Variants in BCL7C observed in about 807,000 individuals in gnomAD.
BCL7C encodes the protein BAF chromatin remodeling complex subunit BCL7C.
Under a neutral mutation model 26.2 loss-of-function variants are expected in BCL7C, and 8 were observed. The ratio of observed to expected loss-of-function variants is 0.30; its 90% confidence interval spans 0.18 to 0.55. The LOEUF is 0.55. BCL7C is among the 20% of genes least tolerant of loss of function. The pLI, the probability that BCL7C is intolerant of heterozygous loss-of-function variation, is 0.93. For synonymous variants in BCL7C, 90 were observed against 116.5 expected (o/e 0.77, Z 1.47); for missense variants, 262 against 298.5 (o/e 0.88, Z 0.90).
chr16:30,864,016 AG>A (rs758043465), intron 5 of BCL7C, among the ~76,000 whole-genome samples: 3 of 152,030 alleles, frequency 2.0e-5, no homozygotes, highest in Non-Finnish European at 4.4e-5. Context: ...ACCTCTCCCC[AG>A]CTATCTCCAT....
chr16:30,891,660 C>T (rs2055239477), intron 4 of BCL7C, among the ~76,000 whole-genome samples: 1 of 151,966 alleles, frequency 6.6e-6, no homozygotes, highest in Non-Finnish European at 1.5e-5. Flanking sequence ...TCTGAGGATA[C>T]AGTAGTGAAC....
At chr16:30,868,552 G>C (rs943988731) in intron 5 of BCL7C, among the ~76,000 whole-genome samples, 1 of 151,842 alleles carries the variant, frequency 6.6e-6, no homozygotes, top group East Asian at 2.0e-4. Context: ...TTGGGAGGCC[G>C]AGGTGGGCAG....
At chr16:30,844,714 A>T (rs751413435) in intron 5 of BCL7C, among the ~76,000 whole-genome samples, 1 of 152,156 alleles carries the variant, frequency 6.6e-6, no homozygotes, top group Non-Finnish European at 1.5e-5. Context: ...ATTGACCTTC[A>T]GTCTATGAGT....
At chr16:30,840,858 C>T (rs900263066) in intron 5 of BCL7C, 3 of 152,198 alleles carry the variant, frequency 2.0e-5, no homozygotes, top group Non-Finnish European at 2.9e-5. Context: ...CTCACTGTCA[C>T]AAGAACAGCA....
chr16:30,868,701 C>G (rs533189675), intron 5 of BCL7C, among the ~76,000 whole-genome samples: 43 of 151,826 alleles, frequency 2.8e-4, no homozygotes, highest in African/African-American at 1.0e-3. Context: ...AGGAGAATCT[C>G]TTGATCCTGG....
chr16:30,893,017 C>G lies in BCL7C; in HGVS notation c.172-69G>C, dbSNP rs1161177214. On this transcript the variant is annotated intron_variant, in intron 2 of 5. Coordinates refer to ENST00000215115, the MANE Select transcript of BCL7C (RefSeq NM_004765.4). The surrounding 1 kb of genome is among the most constrained non-coding windows in gnomAD (Gnocchi z 5.2). Reference sequence around the variant, plus strand: ...CCATACACCTAAGGAAACTGAGGCACTGAGAAGCAAAAGGGCTCAAACTCA... The same window carrying G: ...CCATACACCTAAGGAAACTGAGGCAGTGAGAAGCAAAAGGGCTCAAACTCA... 2 of 1,474,574 alleles carry G rather than the reference C, an allele frequency of 1.4e-6. No homozygotes were observed. Among genetic ancestry groups the G allele is most frequent in the African/African-American group, 2.8e-5 (2 of 71,356 alleles). The allele number at this position is 1,474,574 out of a possible 1,614,324, so 91.3% of individuals were successfully genotyped here.
chr16:30,852,526 T>C (rs2168834), intron 5 of BCL7C, among the ~76,000 whole-genome samples: 108,633 of 147,890 alleles, frequency 0.73, 40,462 homozygotes, highest in East Asian at 0.91. Flanking sequence ...GAGTCCTGCT[T>C]TGGCGCCCAG....
intron 5 of BCL7C, among the ~76,000 whole-genome samples, chr16:30,841,650 G>C (rs1163674883): frequency 2.0e-5 from 3 of 152,038 alleles, no homozygotes; most frequent in African/African-American, 7.2e-5. Flanking sequence ...AAATACAGAG[G>C]GCTGTGTAAA....
At position 30,834,752 on chromosome 16, in the gene BCL7C, A is replaced by G. The variant is rs2054559087; in HGVS notation, c.*196T>C. On this transcript the variant is annotated 3_prime_UTR_variant, in exon 6 of 6. Transcript: ENST00000380317. This position sits in a 1 kb window ranked among gnomAD's most constrained non-coding sequence, Gnocchi z 4.3. ...CCGAGTTCTGCCCTAAGCCCTTCCC[A>G]TGCATTCGGGCGCCAGTGGCGAGCC... The G allele has an allele frequency of 5.4e-6, 3 of 555,450 alleles. No individual in the cohort carries two copies. The highest frequency in any genetic ancestry group is 9.4e-6 in the Non-Finnish European group (3 of 320,016). 34.4% of individuals were successfully genotyped at this position (555,450 alleles called of 1,614,324 possible). A position where few individuals can be genotyped will look rare whatever the true frequency, so the allele number is the denominator to read the frequency against.
chr16:30,867,400 T>C (rs917817894), intron 5 of BCL7C, among the ~76,000 whole-genome samples: 1 of 152,174 alleles, frequency 6.6e-6, no homozygotes, highest in Non-Finnish European at 1.5e-5. Flanking sequence ...CCCTAACCCC[T>C]GGAACATGTG....
intron 5 of BCL7C, among the ~76,000 whole-genome samples, chr16:30,865,730 T>G (rs1300282689): frequency 7.1e-6 from 1 of 140,534 alleles, no homozygotes; most frequent in Non-Finnish European, 1.5e-5. Context: ...TTTTTTTCTT[T>G]TTTTTTTTTT....
chr16:30,865,963 G>A (rs1452209688), intron 5 of BCL7C, among the ~76,000 whole-genome samples: 2 of 148,946 alleles, frequency 1.3e-5, no homozygotes, highest in Non-Finnish European at 3.0e-5. Context: ...TCGAACTCCT[G>A]ACGTCAGGAG....
intron 5 of BCL7C, among the ~76,000 whole-genome samples, chr16:30,864,691 C>T (rs997080482): frequency 2.6e-5 from 4 of 152,158 alleles, no homozygotes; most frequent in African/African-American, 9.7e-5. Context: ...CCAGGCTAAG[C>T]CATCATATCC....
chr16:30,879,695 A>AAAAAAAAAAAAAAAAAAAAC (rs2055010678), intron 5 of BCL7C, among the ~76,000 whole-genome samples: 2 of 142,720 alleles, frequency 1.4e-5, no homozygotes, highest in African/African-American at 5.1e-5. Flanking sequence ...TCTACAAAAA[A>AAAAAAAAAAAAAAAAAAAAC]AAAAAAAAAA....
At chr16:30,863,714 G>A (rs569483894) in intron 5 of BCL7C, among the ~76,000 whole-genome samples, 3 of 152,244 alleles carry the variant, frequency 2.0e-5, no homozygotes, top group South Asian at 4.1e-4. Context: ...CAAGGTAAAC[G>A]GTTCTTGGAC....
chr16:30,859,792 C>T (rs1482601401), intron 5 of BCL7C, among the ~76,000 whole-genome samples: 1 of 152,230 alleles, frequency 6.6e-6, no homozygotes, highest in African/African-American at 2.4e-5. Context: ...TTTTCGGACT[C>T]TGCCAACCTG....
intron 5 of BCL7C, chr16:30,851,749 G>T: frequency 3.8e-6 from 2 of 530,912 alleles, no homozygotes; most frequent in Non-Finnish European, 6.8e-6. Context: ...CAGTGACCGT[G>T]ACCTTTTTTT....
chr16:30,863,277 G>A (rs2054793720), intron 5 of BCL7C, among the ~76,000 whole-genome samples: 3 of 152,128 alleles, frequency 2.0e-5, no homozygotes, highest in Admixed American at 6.5e-5. Flanking sequence ...CCACTGCTCT[G>A]CCCCTCTTCA....
chr16:30,837,745 G>A (rs372934740), intron 5 of BCL7C, among the ~76,000 whole-genome samples: 4 of 152,312 alleles, frequency 2.6e-5, no homozygotes, highest in Non-Finnish European at 5.9e-5. Flanking sequence ...AAGAGGGCAG[G>A]GGGTGGTAGC....
Sources: gnomAD v4.1 joint callset for allele counts (sites outside exome capture counted in the v4.1 genomes callset) on GRCh38, gnomAD v4.1.1 for gene constraint, Gnocchi (gnomAD v3.1) non-coding constraint, MANE v1.5 for transcripts, NCBI Gene and HGNC (gene_info 2026-07-23, HGNC 2026-07-21) for gene names.